Variants in TANC2 observed in about 807,000 individuals in gnomAD.
The protein encoded by TANC2 is protein TANC2.
In TANC2, 26 loss-of-function variants were observed where a neutral mutation model predicts 210.5. The ratio of observed to expected loss-of-function variants is 0.12; its 90% CI spans 0.09 to 0.17. TANC2 has a LOEUF of 0.17. TANC2 is among the 10% of genes least tolerant of loss of function. The pLI is 1.00. For synonymous variants in TANC2, 931 were observed against 967.1 expected, an observed-to-expected ratio of 0.96 and a Z score of 0.69; for missense variants, 2,129 against 2,608.9, an observed-to-expected ratio of 0.82 and a Z score of 4.01.
chr17:63,102,902 T>A (rs2037683204), intron 4 of TANC2, among the ~76,000 whole-genome samples: 1 of 152,230 alleles, frequency 6.6e-6, no homozygotes, highest in South Asian at 2.1e-4. Context: ...TTTTTTATAA[T>A]CCCTAAACAA....
intron 26 of TANC2, among the ~76,000 whole-genome samples, chr17:63,417,241 T>C (rs563053510): frequency 2.0e-5 from 3 of 152,216 alleles, no homozygotes; most frequent in Non-Finnish European, 4.4e-5. Context: ...TTTTTTTACC[T>C]ATGCCCCAGG....
intron 4 of TANC2, 178 bp from the exon 5 acceptor site, chr17:63,151,092 T>C (rs979232125): frequency 6.5e-6 from 1 of 152,962 alleles, no homozygotes; most frequent in African/African-American, 2.4e-5. Context: ...TCTGACAGAG[T>C]GTGTCGTTCA....
At chr17:63,294,303 C>T (rs923281246) in intron 9 of TANC2, among the ~76,000 whole-genome samples, 16 of 152,078 alleles carry the variant, frequency 1.1e-4, no homozygotes, top group African/African-American at 3.9e-4. Flanking sequence ...TGGTGAAACC[C>T]TGTCTCTACA....
intron 17 of TANC2, among the ~76,000 whole-genome samples, chr17:63,394,465 T>C (rs1208011144): frequency 6.6e-6 from 1 of 152,218 alleles, no homozygotes; most frequent in Non-Finnish European, 1.5e-5. Flanking sequence ...TGGTTTCTTT[T>C]ATCCATTCGC....
intron 4 of TANC2, among the ~76,000 whole-genome samples, chr17:63,104,204 G>A (rs572144189): frequency 1.3e-5 from 2 of 152,230 alleles, no homozygotes; most frequent in South Asian, 2.1e-4. Context: ...CTTTGGGGGC[G>A]ATGTGGAAAA....
In TANC2 at chr17:63,427,272, TA is replaced by T. The variant is rs577242955; in HGVS notation, c.*5319del. The T allele has an allele frequency of 1.2e-4, 18 of 152,398 alleles. No individual in the cohort carries two copies. In the East Asian group the frequency reaches 3.5e-3, roughly 29 times the overall value. 9.4% of individuals were successfully genotyped at this position (152,398 alleles called of 1,614,324 possible). A position where few individuals can be genotyped will look rare whatever the true frequency, so the allele number is the denominator to read the frequency against. On this transcript the variant is annotated 3_prime_UTR_variant, in exon 28 of 28. Coordinates refer to ENST00000689528, the Ensembl canonical transcript of TANC2. Reference sequence around the variant, plus strand: ...TCTACAATTAAAGAGTGATTTGTACTAATATGATTTTGATTCTTCCTCCTCT... The same window carrying T: ...TCTACAATTAAAGAGTGATTTGTACTATATGATTTTGATTCTTCCTCCTCT...
At chr17:63,352,497 A>G (rs1004151243) in intron 13 of TANC2, among the ~76,000 whole-genome samples, 4 of 152,172 alleles carry the variant, frequency 2.6e-5, no homozygotes, top group Non-Finnish European at 4.4e-5. Context: ...ACCTATCATT[A>G]TTAGTAGCTT....
chr17:62,980,604 T>G (rs1462114402), intron 1 of TANC2, among the ~76,000 whole-genome samples: 1 of 152,196 alleles, frequency 6.6e-6, no homozygotes, highest in Non-Finnish European at 1.5e-5. Flanking sequence ...CATTGATTTA[T>G]CTTAGCCATT....
At chr17:63,098,835 A>G (rs930304251) in intron 3 of TANC2, among the ~76,000 whole-genome samples, 7 of 150,194 alleles carry the variant, frequency 4.7e-5, no homozygotes, top group Non-Finnish European at 8.9e-5. Context: ...CTAAGCAGAT[A>G]AATACCTTTA....
At chr17:63,242,589 A>T (rs1036576150) in intron 8 of TANC2, among the ~76,000 whole-genome samples, 1 of 152,134 alleles carries the variant, frequency 6.6e-6, no homozygotes, top group African/African-American at 2.4e-5. Context: ...CCAAGGGATG[A>T]TTGCATTTAA....
chr17:63,325,045 A>G (rs1476493191), intron 11 of TANC2, among the ~76,000 whole-genome samples: 1 of 118,884 alleles, frequency 8.4e-6, no homozygotes, highest in East Asian at 2.9e-4. Flanking sequence ...ATTTTAGACT[A>G]CATAATTCTT....
chr17:63,084,919 C>A (rs1281864567), intron 3 of TANC2, among the ~76,000 whole-genome samples: 1 of 152,000 alleles, frequency 6.6e-6, no homozygotes, highest in African/African-American at 2.4e-5. Context: ...AATGAACATT[C>A]CATGTGCGCT....
chr17:63,319,994 T>C (rs968711240), intron 11 of TANC2, among the ~76,000 whole-genome samples: 4 of 152,216 alleles, frequency 2.6e-5, no homozygotes, highest in African/African-American at 7.2e-5. Context: ...CTTCTTATTA[T>C]GGATGATGGG....
At chr17:63,090,626 G>A (rs867220852) in intron 3 of TANC2, among the ~76,000 whole-genome samples, 14 of 152,170 alleles carry the variant, frequency 9.2e-5, no homozygotes, top group Admixed American at 2.0e-4. Flanking sequence ...ATTTGGGTTG[G>A]TTCCAAGTCT....
intron 5 of TANC2, among the ~76,000 whole-genome samples, chr17:63,178,354 C>T (rs2040665160): frequency 6.6e-6 from 1 of 151,916 alleles, no homozygotes; most frequent in Non-Finnish European, 1.5e-5. Context: ...CAAAAAACTG[C>T]CCTATGGGCG....
chr17:63,427,435 T>C (rs986098852), exon 28 of TANC2: 12 of 152,262 alleles, frequency 7.9e-5, no homozygotes, highest in African/African-American at 2.2e-4. Flanking sequence ...TCTCCTGATA[T>C]ATTGAACACC....
chr17:63,310,118 T>G (rs931666070), intron 9 of TANC2, among the ~76,000 whole-genome samples: 8 of 152,180 alleles, frequency 5.3e-5, no homozygotes, highest in African/African-American at 1.9e-4. Flanking sequence ...CTGACAAGTT[T>G]GGCGACATAA....
At chr17:63,376,073 C>T (rs538568982) in intron 14 of TANC2, among the ~76,000 whole-genome samples, 130 of 151,990 alleles carry the variant, frequency 8.6e-4, no homozygotes, top group African/African-American at 2.9e-3. Context: ...GGTGACAGAG[C>T]GAGACTTCAT....
At chr17:63,044,132 C>A (rs566509931) in intron 2 of TANC2, among the ~76,000 whole-genome samples, 65 of 152,188 alleles carry the variant, frequency 4.3e-4, no homozygotes, top group Admixed American at 9.8e-4. Flanking sequence ...TCCATTAGTT[C>A]TCCAAATAAA....
Sources: gnomAD v4.1 joint callset for allele counts (sites outside exome capture counted in the v4.1 genomes callset) on GRCh38, gnomAD v4.1.1 for gene constraint, MANE v1.5 for transcripts, NCBI Gene and HGNC (gene_info 2026-07-23, HGNC 2026-07-21) for gene names.